GDA: variants seen among roughly 807,000 people sequenced by gnomAD.
The protein encoded by GDA is cytoplasmic PSD-95 interactor.
In GDA, 18 loss-of-function variants were observed where a neutral mutation model predicts 59.6. The ratio of observed to expected loss-of-function variants is 0.30; its 90% CI spans 0.21 to 0.45. The LOEUF (loss-of-function observed/expected upper bound fraction) is 0.45, where lower values mean the gene tolerates loss of function less well. GDA is among the 20% of genes least tolerant of loss of function. The pLI is 1.00. For missense variants in GDA, 427 were observed against 552.3 expected (o/e 0.77, Z 2.27); for synonymous variants, 201 against 201.1 (o/e 1.00, Z 0.00).
intron 1 of GDA, among the ~76,000 whole-genome samples, chr9:72,130,570 CTCCACT>C (rs1825992830): frequency 6.6e-6 from 1 of 152,184 alleles, no homozygotes; most frequent in African/African-American, 2.4e-5. Flanking sequence ...AGTGGCCAAA[CTCCACT>C]TCCACATGTA....
At chr9:72,160,440 A>G (rs985298111) in intron 1 of GDA, among the ~76,000 whole-genome samples, 3 of 152,072 alleles carry the variant, frequency 2.0e-5, no homozygotes, top group African/African-American at 7.2e-5. Context: ...TTCTCTATCC[A>G]CTTGCCTATT....
Position 72,248,381 on chromosome 9 carries a change from T to A in GDA, c.*39T>A. ...CTACAAAGTTCTCCTGGGATTAGCG[T>A]GGTTCTGCATCTCCCTTGTGCCCAG... On this transcript the variant is annotated 3_prime_UTR_variant, in exon 14 of 14. Coordinates refer to ENST00000358399, the MANE Select transcript of GDA (RefSeq NM_004293.5). 4.3e-6 allele frequency: 7 copies of A among 1,612,410 alleles called. No individual in the cohort carries two copies. Among genetic ancestry groups the A allele is most frequent in the Non-Finnish European group, 5.9e-6 (7 of 1,179,218 alleles).
intron 1 of GDA, among the ~76,000 whole-genome samples, chr9:72,165,418 A>G (rs1417772132): frequency 6.6e-6 from 1 of 152,178 alleles, no homozygotes; most frequent in Non-Finnish European, 1.5e-5. Context: ...CCAGCAGTGA[A>G]ACACTTCATT....
chr9:72,118,906 A>G (rs1428428349), intron 1 of GDA, among the ~76,000 whole-genome samples: 6 of 152,198 alleles, frequency 3.9e-5, no homozygotes, highest in Non-Finnish European at 7.3e-5. Flanking sequence ...CAGGGACTGT[A>G]TTTGTCCCAC....
At chr9:72,117,050 G>A (rs1046345911) in intron 1 of GDA, among the ~76,000 whole-genome samples, 3 of 151,884 alleles carry the variant, frequency 2.0e-5, no homozygotes, top group Admixed American at 6.6e-5. Flanking sequence ...CCTTGAGATA[G>A]TTTGCTCAGA....
upstream of GDA, among the ~76,000 whole-genome samples, chr9:72,147,455 C>T (rs1017156003): frequency 3.3e-4 from 50 of 152,244 alleles, no homozygotes; most frequent in African/African-American, 1.2e-3. Context: ...CCACCCGCCT[C>T]GGCCTCCCAA....
chr9:72,201,874 G>A (rs1428178726), intron 2 of GDA, among the ~76,000 whole-genome samples: 2 of 152,156 alleles, frequency 1.3e-5, no homozygotes, highest in Non-Finnish European at 2.9e-5. Flanking sequence ...GTGGATCATG[G>A]TGGTAGCATT....
intron 1 of GDA, among the ~76,000 whole-genome samples, chr9:72,140,776 C>T (rs1826412850): frequency 6.6e-6 from 1 of 152,160 alleles, no homozygotes; most frequent in Non-Finnish European, 1.5e-5. Flanking sequence ...TGCCATTCTT[C>T]TAAGTCATGG....
chr9:72,161,770 T>G (rs1828657982), intron 1 of GDA, among the ~76,000 whole-genome samples: 1 of 152,252 alleles, frequency 6.6e-6, no homozygotes, highest in Non-Finnish European at 1.5e-5. Flanking sequence ...CAATAGCTCT[T>G]GTTATCCATC....
intron 1 of GDA, among the ~76,000 whole-genome samples, chr9:72,185,165 A>G (rs1448570946): frequency 6.6e-6 from 1 of 152,248 alleles, no homozygotes. Context: ...AATAGACACA[A>G]TATGGCCCGC....
chr9:72,170,673 T>C (rs1031554895), intron 1 of GDA, among the ~76,000 whole-genome samples: 1 of 152,288 alleles, frequency 6.6e-6, no homozygotes, highest in South Asian at 2.1e-4. Flanking sequence ...TGTTTTCCCA[T>C]GAGCAAATCA....
At chr9:72,175,323 C>T (rs1268042429) in intron 1 of GDA, among the ~76,000 whole-genome samples, 4 of 152,114 alleles carry the variant, frequency 2.6e-5, no homozygotes, top group African/African-American at 9.7e-5. Context: ...TGAACCACCA[C>T]ACCCAGCCCC....
In GDA at chr9:72,123,164, G is replaced by A. The variant is rs116674502; in HGVS notation, c.-100+8331G>A. On this transcript the variant is annotated intron_variant, in intron 1 of 13. Transcript: ENST00000545168. Reference sequence around the variant, plus strand: ...GAGAATACTTCCCACTCTCAGAGCTGTTTGTTTTCTTTTTTCTTCCCTTTT... The same window carrying A: ...GAGAATACTTCCCACTCTCAGAGCTATTTGTTTTCTTTTTTCTTCCCTTTT... Among the ~76,000 whole-genome samples the A allele has an allele frequency of 9.0e-3, 1,325 of 146,660 alleles. 21 individuals carry two copies. Among genetic ancestry groups the A allele is most frequent in the African/African-American group, 0.031 (1,257 of 40,192 alleles).
intron 2 of GDA, among the ~76,000 whole-genome samples, chr9:72,198,169 C>A (rs556811766): frequency 6.6e-6 from 1 of 151,900 alleles, no homozygotes; most frequent in Non-Finnish European, 1.5e-5. Flanking sequence ...CCGAGGCAGG[C>A]GGATCACTTG....
intron 6 of GDA, among the ~76,000 whole-genome samples, chr9:72,221,294 G>T (rs950123169): frequency 6.6e-6 from 1 of 152,132 alleles, no homozygotes; most frequent in Non-Finnish European, 1.5e-5. Context: ...CTTCATAAAG[G>T]CTACCCAGTC....
At chr9:72,128,473 A>T (rs1483114014) in intron 1 of GDA, among the ~76,000 whole-genome samples, 1 of 152,188 alleles carries the variant, frequency 6.6e-6, no homozygotes, top group Non-Finnish European at 1.5e-5. Flanking sequence ...ATTTTTGAGC[A>T]CTTGCCACAT....
chr9:72,244,542 A>G (rs147867356), intron 11 of GDA, among the ~76,000 whole-genome samples: 2 of 152,286 alleles, frequency 1.3e-5, no homozygotes, highest in African/African-American at 4.8e-5. Flanking sequence ...AAGCATTGAG[A>G]CTTTTGAGTT....
chr9:72,211,344 T>C lies in GDA; in HGVS notation c.472+570T>C, dbSNP rs114353495. 1.7e-3 allele frequency among the ~76,000 whole-genome samples: 252 copies of C among 152,362 alleles called. 1 individual carries two copies. The highest frequency in any genetic ancestry group is 5.8e-3 in the African/African-American group (243 of 41,580). On this transcript the variant is annotated intron_variant, in intron 4 of 13. Transcript: ENST00000358399. ...ATTAGTTCAGCAGCAAACAGCCTTC[T>C]GAAGTGGTTACTGATGTCCTCATGT...
intron 8 of GDA, 103 bp downstream of exon 8, chr9:72,225,887 T>C (rs1837494013): frequency 1.7e-6 from 1 of 582,002 alleles, no homozygotes; most frequent in Admixed American, 3.3e-5. Context: ...AATACATTTC[T>C]TTAAAAATTT....
Sources: allele counts gnomAD v4.1 joint callset (sites outside exome capture counted in the v4.1 genomes callset), GRCh38; gene constraint gnomAD v4.1.1; transcripts MANE v1.5; gene names NCBI Gene and HGNC (gene_info 2026-07-23, HGNC 2026-07-21).